Variants in DPYSL5 observed in about 807,000 individuals in gnomAD.
The protein encoded by DPYSL5 is dihydropyrimidinase like 5, also known as dihydropyrimidinase-related protein 5.
Under a neutral mutation model 58.4 loss-of-function variants are expected in DPYSL5, and 9 were observed. That is an observed-to-expected ratio of 0.15 (90% confidence interval 0.09 to 0.27). DPYSL5 has a LOEUF of 0.27. Among genes scored for constraint, DPYSL5 ranks in the 10% least tolerant of loss-of-function variants. DPYSL5 has a pLI of 1.00. For synonymous variants in DPYSL5, 293 were observed against 301.9 expected, an observed-to-expected ratio of 0.97 and a Z score of 0.31; for missense variants, 499 against 770.6, an observed-to-expected ratio of 0.65 and a Z score of 4.17.
chr2:26,944,887 T>C lies in DPYSL5; in HGVS notation c.1609+63T>C. 3 of 1,518,836 alleles carry C rather than the reference T, an allele frequency of 2.0e-6. No homozygotes were observed. Among genetic ancestry groups the C allele is most frequent in the Non-Finnish European group, 2.7e-6 (3 of 1,107,470 alleles). The allele number at this position is 1,518,836 out of a possible 1,614,324, so 94.1% of individuals were successfully genotyped here. A position where few individuals can be genotyped will look rare whatever the true frequency, so the allele number is the denominator to read the frequency against. On this transcript the variant is annotated intron_variant, in intron 12 of 12. Transcript: ENST00000288699. The surrounding 1 kb of genome is among the most constrained non-coding windows in gnomAD (Gnocchi z 4.4). ...TGGGAGAAGTGGCCCACCTAGGCAG[T>C]GGGACTTACGCCTGCTTTTCTTTTG...
intron 1 of DPYSL5, among the ~76,000 whole-genome samples, chr2:26,893,164 C>T (rs908687634): frequency 2.6e-5 from 4 of 152,248 alleles, no homozygotes; most frequent in African/African-American, 9.6e-5. Flanking sequence ...CTCCCTCAGG[C>T]AGCAGCCCCC....
intron 6 of DPYSL5, among the ~76,000 whole-genome samples, chr2:26,932,208 A>ACAGAAAGAAAAG (rs1553321171): frequency 1.4e-5 from 1 of 70,170 alleles, no homozygotes; most frequent in Non-Finnish European, 3.0e-5. Flanking sequence ...AGAAAGAAAG[A>ACAGAAAGAAAAG]AAAGAAAGAA....
chr2:26,870,429 T>G (rs1663230318), intron 1 of DPYSL5, among the ~76,000 whole-genome samples: 1 of 152,242 alleles, frequency 6.6e-6, no homozygotes, highest in South Asian at 2.1e-4. Context: ...TGTATTATCC[T>G]TTTGGTACAC....
chr2:26,866,217 C>G (rs1666135063), intron 1 of DPYSL5, among the ~76,000 whole-genome samples: 1 of 152,220 alleles, frequency 6.6e-6, no homozygotes, highest in Non-Finnish European at 1.5e-5. Flanking sequence ...TGGCCTCATT[C>G]ACTGCAGTGT....
intron 2 of DPYSL5, among the ~76,000 whole-genome samples, chr2:26,899,677 C>T (rs1250826759): frequency 6.6e-6 from 1 of 152,158 alleles, no homozygotes; most frequent in African/African-American, 2.4e-5. Flanking sequence ...TCCTTGAGGA[C>T]AGGCCCCCTT....
intron 1 of DPYSL5, among the ~76,000 whole-genome samples, chr2:26,851,788 C>CA (rs1244245494): frequency 5.3e-5 from 8 of 151,938 alleles, no homozygotes; most frequent in East Asian, 1.9e-4. Flanking sequence ...ACTAAAAATA[C>CA]AAAAAAATTA....
intron 1 of DPYSL5, among the ~76,000 whole-genome samples, chr2:26,853,914 C>T (rs914661265): frequency 6.6e-6 from 1 of 152,086 alleles, no homozygotes; most frequent in South Asian, 2.1e-4. Flanking sequence ...GTGGCACATG[C>T]CTGTGGTCCC....
Position 26,898,452 on chromosome 2 carries a change from A to C in DPYSL5, c.-4-44A>C. The C allele has an allele frequency of 6.3e-7, 1 of 1,593,374 alleles. No individual in the cohort carries two copies. The highest frequency in any genetic ancestry group is 8.6e-7 in the Non-Finnish European group (1 of 1,166,754). On this transcript the variant is annotated intron_variant, in intron 1 of 12. Coordinates refer to ENST00000288699, the MANE Select transcript of DPYSL5 (RefSeq NM_020134.4). This position sits in a 1 kb window ranked among gnomAD's most constrained non-coding sequence, Gnocchi z 6.1. ...ATAGGAGGGATGGGAAACTGGAAAC[A>C]GTGAGAAGGGACTTTGACCTTGACC...
Position 26,912,914 on chromosome 2 carries a change from G to T in DPYSL5, c.262-11973G>T, listed in dbSNP as rs1043398016. On this transcript the variant is annotated intron_variant, in intron 2 of 12. Transcript: ENST00000288699. ...TTTCTCCATTCTTTGAGGAATCTTG[G>T]AGCTGGGGAGCCCCTCCGTCAGGCC... Among the ~76,000 whole-genome samples the T allele has an allele frequency of 2.0e-5, 3 of 152,238 alleles. No homozygotes were observed. The South Asian group carries it at 6.2e-4, about 32-fold the overall frequency.
intron 2 of DPYSL5, among the ~76,000 whole-genome samples, chr2:26,903,269 G>A (rs1433274192): frequency 6.6e-6 from 1 of 152,042 alleles, no homozygotes; most frequent in Non-Finnish European, 1.5e-5. Context: ...ATGGGGTTTC[G>A]CTATGTTGAC....
intron 8 of DPYSL5, among the ~76,000 whole-genome samples, chr2:26,935,265 G>C (rs547722762): frequency 6.6e-6 from 1 of 151,938 alleles, no homozygotes; most frequent in African/African-American, 2.4e-5. Context: ...TTCTGACACT[G>C]CTTTTTCCCC....
chr2:26,920,212 A>G (rs538212600), intron 2 of DPYSL5, among the ~76,000 whole-genome samples: 2 of 152,226 alleles, frequency 1.3e-5, no homozygotes, highest in East Asian at 1.9e-4. Flanking sequence ...TGAGGTAAAC[A>G]TGGCAAAAAT....
Position 26,875,709 on chromosome 2 carries a change from G to A in DPYSL5, c.-4-22787G>A, listed in dbSNP as rs142018725. ...GCCTGGGCTGGTGGTGGCTGGGGGT[G>A]GGAAAGAGGCTACCAGGGACTAGGA... On this transcript the variant is annotated intron_variant, in intron 1 of 12. Coordinates refer to ENST00000288699, the MANE Select transcript of DPYSL5 (RefSeq NM_020134.4). Among the ~76,000 whole-genome samples the A allele has an allele frequency of 1.1e-4, 16 of 152,238 alleles. 1 individual carries two copies. The East Asian group carries it at 3.1e-3, about 29-fold the overall frequency.
In DPYSL5 at chr2:26,927,503, A is replaced by G; in HGVS notation, c.600+71A>G. 3 of 1,537,396 alleles carry G rather than the reference A, an allele frequency of 2.0e-6. No individual in the cohort carries two copies. The highest frequency in any genetic ancestry group is 2.6e-6 in the Non-Finnish European group (3 of 1,133,324). On this transcript the variant is annotated intron_variant, in intron 4 of 12. Coordinates refer to ENST00000288699, the MANE Select transcript of DPYSL5 (RefSeq NM_020134.4). The surrounding 1 kb of genome is among the most constrained non-coding windows in gnomAD (Gnocchi z 4.3). ...ACAGTTAGTTCTCAGGGGATTCCTG[A>G]CCACCCGTCACTGATCCCACAGGAT...
At chr2:26,921,826 T>G (rs1429038040) in intron 2 of DPYSL5, among the ~76,000 whole-genome samples, 1 of 152,164 alleles carries the variant, frequency 6.6e-6, no homozygotes, top group African/African-American at 2.4e-5. Flanking sequence ...TCACATCCAT[T>G]GCCACCTGAC....
intron 1 of DPYSL5, among the ~76,000 whole-genome samples, chr2:26,876,633 C>T (rs774741351): frequency 4.0e-5 from 6 of 151,626 alleles, no homozygotes; most frequent in East Asian, 2.0e-4. Flanking sequence ...CTCCTGCCTC[C>T]GCCTCCCGAG....
chr2:26,899,423 G>A (rs1056720596), intron 2 of DPYSL5, among the ~76,000 whole-genome samples: 3 of 152,150 alleles, frequency 2.0e-5, no homozygotes, highest in African/African-American at 7.2e-5. Context: ...CCCTTCCCGT[G>A]TGCTCCAACA....
At chr2:26,869,561 T>G (rs1230682964) in intron 1 of DPYSL5, among the ~76,000 whole-genome samples, 1 of 152,120 alleles carries the variant, frequency 6.6e-6, no homozygotes, top group Non-Finnish European at 1.5e-5. Flanking sequence ...ATTCTTAGTG[T>G]TTTATTCTTT....
chr2:26,849,306 G>T lies in DPYSL5; in HGVS notation c.-5+1052G>T, dbSNP rs1665685245. On this transcript the variant is annotated intron_variant, in intron 1 of 12. Transcript: ENST00000288699. This position sits in a 1 kb window ranked among gnomAD's most constrained non-coding sequence, Gnocchi z 6.2. Reference sequence around the variant, plus strand: ...GGAGCGAGGAGAAGACCCGCGCTGTGCGGGGGAGGGGGGCCTCCTGGGAAG... The same window carrying T: ...GGAGCGAGGAGAAGACCCGCGCTGTTCGGGGGAGGGGGGCCTCCTGGGAAG... Among the ~76,000 whole-genome samples the T allele has an allele frequency of 6.6e-6, 1 of 151,812 alleles. No individual in the cohort carries two copies. Among genetic ancestry groups the T allele is most frequent in the African/African-American group, 2.4e-5 (1 of 41,364 alleles).
Sources: allele counts gnomAD v4.1 joint callset (sites outside exome capture counted in the v4.1 genomes callset), GRCh38; gene constraint gnomAD v4.1.1; non-coding constraint Gnocchi (gnomAD v3.1); transcripts MANE v1.5; gene names NCBI Gene and HGNC (gene_info 2026-07-23, HGNC 2026-07-21).